INPP4B: variants seen among roughly 807,000 people sequenced by gnomAD.
INPP4B encodes the protein inositol polyphosphate-4-phosphatase type II B, also known as inositol polyphosphate 4-phosphatase type II.
Under a neutral mutation model 122.5 loss-of-function variants are expected in INPP4B, and 55 were observed. The observed-to-expected ratio is 0.45, with a 90% CI of 0.36 to 0.56. The LOEUF is 0.56. INPP4B is among the 20% of genes least tolerant of loss of function. INPP4B has a pLI of 0.00. For synonymous variants in INPP4B, 403 were observed against 388.7 expected (o/e 1.04, Z -0.43); for missense variants, 1,000 against 1,097.7 (o/e 0.91, Z 1.26).
intron 25 of INPP4B, among the ~76,000 whole-genome samples, chr4:142,048,032 C>T (rs929728930): frequency 2.0e-5 from 3 of 152,096 alleles, no homozygotes; most frequent in African/African-American, 7.2e-5. Flanking sequence ...GACTATTTCA[C>T]AAATGCTGAT....
At chr4:142,640,841 T>C (rs1205283598) in intron 2 of INPP4B, among the ~76,000 whole-genome samples, 1 of 151,986 alleles carries the variant, frequency 6.6e-6, no homozygotes, top group Non-Finnish European at 1.5e-5. Context: ...TCATTAATAA[T>C]CATGGAAATG....
intron 25 of INPP4B, among the ~76,000 whole-genome samples, chr4:142,036,104 G>A (rs890156805): frequency 1.3e-5 from 2 of 151,892 alleles, no homozygotes; most frequent in Admixed American, 1.3e-4. Context: ...CCATGTTTAT[G>A]TCCGTGGGTG....
Position 142,420,839 on chromosome 4 carries a change from T to C in INPP4B, c.136+8334A>G, listed in dbSNP as rs536449313. ...TGCTTAGAAGGTGTTCAGCAAGTGATGGCAATTACTATGCACAAAAGTTCA... is the reference window on the plus strand; with the variant it reads ...TGCTTAGAAGGTGTTCAGCAAGTGACGGCAATTACTATGCACAAAAGTTCA... On this transcript the variant is annotated intron_variant, in intron 5 of 25. Transcript: ENST00000262992. Among the ~76,000 whole-genome samples the C allele has an allele frequency of 1.7e-4, 26 of 152,302 alleles. 1 individual carries two copies. In the South Asian group the frequency reaches 5.4e-3, roughly 32 times the overall value.
chr4:142,122,668 A>G (rs1316902035), intron 20 of INPP4B, among the ~76,000 whole-genome samples: 2 of 152,124 alleles, frequency 1.3e-5, no homozygotes, highest in Non-Finnish European at 2.9e-5. Flanking sequence ...GAGATCATTA[A>G]GATTCCAGAT....
intron 1 of INPP4B, among the ~76,000 whole-genome samples, chr4:142,811,348 G>A (rs548642079): frequency 6.6e-6 from 1 of 152,272 alleles, no homozygotes; most frequent in Non-Finnish European, 1.5e-5. Flanking sequence ...CAGTCTTCCT[G>A]GGCTCCAGCA....
At chr4:142,104,847 T>C (rs766407901) in intron 23 of INPP4B, among the ~76,000 whole-genome samples, 11 of 152,308 alleles carry the variant, frequency 7.2e-5, no homozygotes, top group Non-Finnish European at 1.2e-4. Flanking sequence ...ATAAATTCTA[T>C]GTAAATAGCT....
At chr4:142,673,667 T>C (rs1757310438) in intron 2 of INPP4B, among the ~76,000 whole-genome samples, 1 of 151,928 alleles carries the variant, frequency 6.6e-6, no homozygotes, top group African/African-American at 2.4e-5. Context: ...ACAGTAGAGG[T>C]TCCAGTCTAG....
At chr4:142,080,420 A>G (rs336378) in intron 25 of INPP4B, among the ~76,000 whole-genome samples, 134,685 of 152,080 alleles carry the variant, frequency 0.89, 61,262 homozygotes, top group Non-Finnish European at 0.98. Flanking sequence ...CCTCATATAC[A>G]GACAAAACCA....
chr4:142,548,085 TA>T (rs1294602326), intron 2 of INPP4B, among the ~76,000 whole-genome samples: 1 of 152,202 alleles, frequency 6.6e-6, no homozygotes, highest in Non-Finnish European at 1.5e-5. Flanking sequence ...TGGCCAACGT[TA>T]AGCTTGGAGA....
chr4:142,292,880 C>A (rs886567709), intron 9 of INPP4B, among the ~76,000 whole-genome samples: 4 of 152,002 alleles, frequency 2.6e-5, no homozygotes, highest in African/African-American at 9.7e-5. Flanking sequence ...GTAATATATG[C>A]CTAGTAACAC....
Position 142,124,568 on chromosome 4 carries a change from CAAT to C in INPP4B, c.1893+17_1893+19del. The stretch of plus-strand genomic sequence containing the variant: ...ACAATCCGGCATTGTTTTGTACTAA[CAAT>C]AACAACAGGCACCTACTGCTTGGCT... On this transcript the variant is annotated intron_variant, in intron 19 of 25. Transcript: ENST00000262992. The C allele has an allele frequency of 6.2e-7, 1 of 1,608,050 alleles. No homozygotes were observed.
intron 1 of INPP4B, among the ~76,000 whole-genome samples, chr4:142,838,273 A>AT (rs1292331281): frequency 6.6e-6 from 1 of 151,748 alleles, no homozygotes; most frequent in African/African-American, 2.4e-5. Flanking sequence ...TCTTTTGATG[A>AT]TTTTTTTCTG....
chr4:142,816,566 A>G (rs1780143170), intron 1 of INPP4B, among the ~76,000 whole-genome samples: 1 of 152,046 alleles, frequency 6.6e-6, no homozygotes, highest in Non-Finnish European at 1.5e-5. Context: ...CTTAAAAAAA[A>G]CAAATAATAA....
At chr4:142,057,361 A>T (rs1050456735) in intron 25 of INPP4B, among the ~76,000 whole-genome samples, 12 of 152,144 alleles carry the variant, frequency 7.9e-5, no homozygotes, top group Non-Finnish European at 1.6e-4. Flanking sequence ...GCCTCTTAAC[A>T]TAATTTTTGT....
intron 2 of INPP4B, among the ~76,000 whole-genome samples, chr4:142,636,378 T>C (rs1333441685): frequency 6.6e-6 from 1 of 152,124 alleles, no homozygotes; most frequent in Admixed American, 6.5e-5. Flanking sequence ...GTAAAACCTA[T>C]ATGAAGAAAT....
chr4:142,628,379 G>A (rs1462542734), intron 2 of INPP4B, among the ~76,000 whole-genome samples: 1 of 136,618 alleles, frequency 7.3e-6, no homozygotes, highest in Non-Finnish European at 1.6e-5. Flanking sequence ...CATGGACACA[G>A]GAAGGGGAAT....
At chr4:142,677,247 C>T (rs930892844) in intron 2 of INPP4B, among the ~76,000 whole-genome samples, 1 of 152,116 alleles carries the variant, frequency 6.6e-6, no homozygotes, top group African/African-American at 2.4e-5. Context: ...TAAAAAAGCT[C>T]ATCATCACTG....
rs1417501934 is a variant in INPP4B at position 142,398,436 on chromosome 4, ATATATAT to A, written c.372+4495_372+4501del. Among the ~76,000 whole-genome samples, 20 of 89,632 alleles carry A rather than the reference ATATATAT, an allele frequency of 2.2e-4. No individual in the cohort carries two copies. In the East Asian group the frequency reaches 2.3e-3, roughly 10 times the overall value. 58.8% of individuals were successfully genotyped at this position (89,632 alleles called of 152,430 possible). Reference sequence around the variant, plus strand: ...TATATATATATATATATATATATATATATATATATAAAACATATTAAACATAGTGCTT... The same window carrying A: ...TATATATATATATATATATATATATAATAAAACATATTAAACATAGTGCTT... On this transcript the variant is annotated intron_variant, in intron 7 of 25. Coordinates refer to ENST00000262992, the MANE Select transcript of INPP4B (RefSeq NM_001101669.3).
chr4:142,235,350 C>T (rs1230166748), intron 12 of INPP4B, among the ~76,000 whole-genome samples: 1 of 150,274 alleles, frequency 6.7e-6, no homozygotes, highest in Non-Finnish European at 1.5e-5. Flanking sequence ...ATGTTAAATA[C>T]TATATATAGT....
Sources: gnomAD v4.1 joint callset for allele counts (sites outside exome capture counted in the v4.1 genomes callset) on GRCh38, gnomAD v4.1.1 for gene constraint, MANE v1.5 for transcripts, NCBI Gene and HGNC (gene_info 2026-07-23, HGNC 2026-07-21) for gene names.